The following ZNF160 variants were observed in gnomAD, a reference collection of about 807,000 sequenced individuals.
ZNF160 encodes the protein KRAB zinc finger protein KR18.
ZNF160 carries 9 observed loss-of-function variants against 13.1 expected under a neutral mutation model. That is an observed-to-expected ratio of 0.69 (90% CI 0.41 to 1.20). ZNF160 has a LOEUF of 1.20. ZNF160 is among the 50% of genes most tolerant of loss of function. The probability of loss-of-function intolerance (pLI) is 0.01; values close to 1 mark genes in which losing one functional copy is unlikely to be tolerated. For missense variants in ZNF160, 838 were observed against 988.0 expected, an observed-to-expected ratio of 0.85 and a Z score of 2.04; for synonymous variants, 293 against 333.2, an observed-to-expected ratio of 0.88 and a Z score of 1.31.
chr19:53,074,052 A>T, intron 5 of ZNF160, 88 bp downstream of exon 5: 1 of 1,349,624 alleles, frequency 7.4e-7, no homozygotes, highest in Non-Finnish European at 1.0e-6. Context: ...GGCCTCCCTA[A>T]GTGTTGAGAT....
At chr19:53,073,693 G>A (rs1054184970) in intron 5 of ZNF160, among the ~76,000 whole-genome samples, 7 of 152,128 alleles carry the variant, frequency 4.6e-5, no homozygotes, top group African/African-American at 1.7e-4. Context: ...CAAATGACAG[G>A]GTGTTGTCCA....
At chr19:53,077,096 G>C (rs1404811819) in intron 3 of ZNF160, 1 of 152,216 alleles carries the variant, frequency 6.6e-6, no homozygotes, top group Non-Finnish European at 1.5e-5. Context: ...AGTAACGTAC[G>C]CAGACATTAG....
At chr19:53,080,283 G>C (rs909084990) in intron 3 of ZNF160, among the ~76,000 whole-genome samples, 2 of 151,994 alleles carry the variant, frequency 1.3e-5, no homozygotes, top group African/African-American at 4.8e-5. Context: ...ATTTTTAATA[G>C]AGACTGGGTT....
rs897790991 is a variant in ZNF160, at chr19:53,075,296, A to G, written c.16-113T>C. On this transcript the variant is annotated intron_variant, in intron 3 of 5. Coordinates refer to ENST00000683776, the MANE Select transcript of ZNF160 (RefSeq NM_001322131.2). ...AGGTTAAATTGAAGTGGGTGAGCTG[A>G]CAGATCCAGATTGTGACAATGTGAC... 33 of 1,366,340 alleles carry G rather than the reference A, an allele frequency of 2.4e-5. No individual in the cohort carries two copies. The African/African-American group carries it at 4.6e-4, about 19-fold the overall frequency. The allele number at this position is 1,366,340 out of a possible 1,614,324, so 84.6% of individuals were successfully genotyped here.
At chr19:53,098,232 G>C (rs2085308547) in intron 1 of ZNF160, among the ~76,000 whole-genome samples, 1 of 152,074 alleles carries the variant, frequency 6.6e-6, no homozygotes, top group African/African-American at 2.4e-5. Context: ...AGTCACCTGT[G>C]GGCCAGGTGC....
chr19:53,099,245 G>A (rs1035298972), intron 1 of ZNF160, among the ~76,000 whole-genome samples: 1 of 152,198 alleles, frequency 6.6e-6, no homozygotes, highest in Non-Finnish European at 1.5e-5. Flanking sequence ...CAGCTCTGAG[G>A]CTAGACCCGA....
intron 3 of ZNF160, among the ~76,000 whole-genome samples, chr19:53,081,299 A>G (rs1328367078): frequency 6.6e-6 from 1 of 152,168 alleles, no homozygotes; most frequent in African/African-American, 2.4e-5. Flanking sequence ...TTGTACACAG[A>G]AAAACAAACT....
At chr19:53,072,964 A>G in intron 5 of ZNF160, 1 of 685,382 alleles carries the variant, frequency 1.5e-6, no homozygotes, top group Non-Finnish European at 1.8e-6. Flanking sequence ...AAAAAATTCT[A>G]TATTGACAAA....
intron 1 of ZNF160, among the ~76,000 whole-genome samples, chr19:53,102,386 C>A (rs1037391963): frequency 3.3e-5 from 5 of 152,178 alleles, no homozygotes; most frequent in Non-Finnish European, 7.4e-5. Context: ...TCCCCTCCAG[C>A]TGTCCCAGCA....
At chr19:53,082,152 T>G (rs1452132566) in intron 3 of ZNF160, among the ~76,000 whole-genome samples, 1 of 152,180 alleles carries the variant, frequency 6.6e-6, no homozygotes, top group African/African-American at 2.4e-5. Context: ...AAAAACTATC[T>G]ATCGGGTACT....
intron 3 of ZNF160, chr19:53,077,458 T>C (rs371053765): frequency 1.3e-5 from 2 of 151,754 alleles, no homozygotes; most frequent in East Asian, 3.9e-4. Flanking sequence ...GATCACGAGG[T>C]CAGGAGTTCG....
intron 3 of ZNF160, chr19:53,075,691 T>A (rs2084361260): frequency 9.7e-6 from 5 of 517,276 alleles, no homozygotes; most frequent in Non-Finnish European, 1.9e-5. Context: ...ATAGATCACT[T>A]CCATCTAGAT....
chr19:53,082,155 C>A (rs149576095), intron 3 of ZNF160, among the ~76,000 whole-genome samples: 1 of 152,162 alleles, frequency 6.6e-6, no homozygotes, highest in African/African-American at 2.4e-5. Context: ...AACTATCTAT[C>A]GGGTACTATG....
intron 1 of ZNF160, among the ~76,000 whole-genome samples, chr19:53,093,966 T>C (rs182443685): frequency 2.0e-4 from 30 of 152,268 alleles, no homozygotes; most frequent in African/African-American, 6.5e-4. Context: ...AATTGTGTAA[T>C]AGATCAACAA....
At chr19:53,083,949 CCT>C (rs1244391175) in intron 3 of ZNF160, among the ~76,000 whole-genome samples, 16 of 152,150 alleles carry the variant, frequency 1.1e-4, no homozygotes, top group Admixed American at 2.6e-4. Flanking sequence ...CCCATTTTCC[CCT>C]GTTCCCTACT....
At position 53,069,487 on chromosome 19, in the gene ZNF160, G is replaced by C; in HGVS notation, c.1047C>G (p.Ala349=). The part of the protein sequence containing the change: ...KPYKCNECGK[A]FRGHSNLTTH... ...TAGTTAGGTTTGAATGTCCTCTAAA[G>C]GCTTTTCCACACTCATTACACTTGT... Residue 349 remains alanine, a synonymous_variant, in exon 6 of 6, where the codon GCC becomes GCG. Transcript: ENST00000683776. The surrounding 1 kb of genome is among the most constrained non-coding windows in gnomAD (Gnocchi z 4.4). 1 of 1,614,004 alleles carries C rather than the reference G, an allele frequency of 6.2e-7. No individual in the cohort carries two copies. Among genetic ancestry groups the C allele is most frequent in the Non-Finnish European group, 8.5e-7 (1 of 1,180,022 alleles).
At chr19:53,088,469 T>C (rs895916611) in intron 2 of ZNF160, among the ~76,000 whole-genome samples, 2 of 152,066 alleles carry the variant, frequency 1.3e-5, no homozygotes, top group African/African-American at 4.8e-5. Context: ...GCCCAGGAGT[T>C]TGAGACCAGC....
chr19:53,073,456 T>A (rs1351505374), intron 5 of ZNF160: 11 of 1,598,290 alleles, frequency 6.9e-6, no homozygotes, highest in Non-Finnish European at 9.3e-6. Context: ...CCATGAGGTT[T>A]GGGGCAGCAG....
chr19:53,074,262 C>T lies in ZNF160; in HGVS notation c.149G>A (p.Cys50Tyr). The change falls in exon 5 of 6, where the codon TGT becomes TAT. Residue 50 changes from cysteine to tyrosine, a missense_variant. Coordinates refer to ENST00000683776, the MANE Select transcript of ZNF160 (RefSeq NM_001322131.2). ...NYWNLVSLGL[C>Y]HFDMNIISML... The stretch of plus-strand genomic sequence containing the variant: ...GGAGATAATATTCATATCAAAATGA[C>T]ACAGTCCTGTTTATAAAAAGAAAGG... 1 of 1,614,010 alleles carries T rather than the reference C, an allele frequency of 6.2e-7. No homozygotes were observed. Among genetic ancestry groups the T allele is most frequent in the Non-Finnish European group, 8.5e-7 (1 of 1,179,928 alleles).
Sources: gnomAD v4.1 joint callset for allele counts (sites outside exome capture counted in the v4.1 genomes callset) on GRCh38, gnomAD v4.1.1 for gene constraint, Gnocchi (gnomAD v3.1) non-coding constraint, MANE v1.5 for transcripts, NCBI Gene and HGNC (gene_info 2026-07-23, HGNC 2026-07-21) for gene names.